Variants in HOOK3 observed in about 807,000 individuals in gnomAD.
HOOK3 encodes hook microtubule tethering protein 3.
HOOK3 carries 24 observed loss-of-function variants against 116.3 expected under a neutral mutation model. That is an observed-to-expected ratio of 0.21 (90% CI 0.15 to 0.29). The LOEUF is 0.29. HOOK3 is among the 10% of genes least tolerant of loss of function. The pLI, the probability that HOOK3 is intolerant of heterozygous loss-of-function variation, is 1.00. For missense variants in HOOK3, 632 were observed against 830.2 expected, an observed-to-expected ratio of 0.76 and a Z score of 2.93; for synonymous variants, 275 against 283.0, an observed-to-expected ratio of 0.97 and a Z score of 0.28.
At chr8:42,932,700 G>C (rs1807896357) in intron 4 of HOOK3, among the ~76,000 whole-genome samples, 1 of 152,170 alleles carries the variant, frequency 6.6e-6, no homozygotes, top group South Asian at 2.1e-4. Context: ...ATGGTGTGGT[G>C]TCTTTGGAAC....
intron 4 of HOOK3, among the ~76,000 whole-genome samples, chr8:42,936,543 T>C (rs1422561138): frequency 6.6e-6 from 1 of 152,214 alleles, no homozygotes; most frequent in Non-Finnish European, 1.5e-5. Context: ...AAGTAGCTGT[T>C]ACTATTTTGA....
intron 1 of HOOK3, among the ~76,000 whole-genome samples, chr8:42,902,274 CTCTT>C (rs1466202831): frequency 5.3e-5 from 8 of 150,274 alleles, no homozygotes; most frequent in East Asian, 2.0e-4. Flanking sequence ...CTCTCTCTCT[CTCTT>C]TTTTTTTTTT....
At chr8:42,913,325 GCTTT>G (rs1807469956) in intron 2 of HOOK3, among the ~76,000 whole-genome samples, 1 of 151,990 alleles carries the variant, frequency 6.6e-6, no homozygotes, top group South Asian at 2.1e-4. Context: ...ACACTGCTCT[GCTTT>G]CTGTCATTAT....
intron 15 of HOOK3, among the ~76,000 whole-genome samples, chr8:42,995,408 G>A (rs141368090): frequency 1.9e-3 from 283 of 152,190 alleles, no homozygotes; most frequent in Non-Finnish European, 2.8e-3. Context: ...ATTCAGTGTT[G>A]TTATTCAGTT....
At chr8:43,010,986 G>A (rs759327602) in intron 19 of HOOK3, among the ~76,000 whole-genome samples, 4 of 151,878 alleles carry the variant, frequency 2.6e-5, no homozygotes, top group Non-Finnish European at 4.4e-5. Context: ...TGGGGGTTAA[G>A]GGGGTCCATT....
intron 8 of HOOK3, among the ~76,000 whole-genome samples, chr8:42,963,478 G>T (rs779461294): frequency 2.6e-5 from 4 of 152,206 alleles, no homozygotes; most frequent in Non-Finnish European, 5.9e-5. Context: ...TATAAACATT[G>T]TTCCTAAGTC....
chr8:42,940,305 C>T lies in HOOK3; in HGVS notation c.268-3008C>T, dbSNP rs556150895. ...GACCAGCCCGGCCAACACAGCGAAA[C>T]CCCGTCTCCACCAAAAAAACACGAA... On this transcript the variant is annotated intron_variant, in intron 4 of 21. Transcript: ENST00000307602. 1.4e-4 allele frequency among the ~76,000 whole-genome samples: 21 copies of T among 152,370 alleles called. No homozygotes were observed. The East Asian group carries it at 3.9e-3, about 28-fold the overall frequency.
chr8:42,918,945 G>A (rs865919000), intron 2 of HOOK3, among the ~76,000 whole-genome samples: 1 of 152,034 alleles, frequency 6.6e-6, no homozygotes, highest in Non-Finnish European at 1.5e-5. Flanking sequence ...CACCTCCCAG[G>A]CGGGGTGGCG....
intron 14 of HOOK3, among the ~76,000 whole-genome samples, chr8:42,984,731 G>C (rs1809017509): frequency 6.6e-6 from 1 of 152,060 alleles, no homozygotes; most frequent in South Asian, 2.1e-4. Context: ...GCAAAACCCT[G>C]TCACTGCTAA....
chr8:42,977,380 T>C (rs1217927654), intron 13 of HOOK3, among the ~76,000 whole-genome samples: 1 of 152,072 alleles, frequency 6.6e-6, no homozygotes, highest in Non-Finnish European at 1.5e-5. Context: ...GTGAGAGTAG[T>C]TTCTTGGCTT....
At chr8:42,923,460 A>G (rs951457426) in intron 2 of HOOK3, among the ~76,000 whole-genome samples, 1 of 152,240 alleles carries the variant, frequency 6.6e-6, no homozygotes, top group Admixed American at 6.5e-5. Context: ...TGATATATCT[A>G]TAAATGGAAT....
At chr8:42,954,966 G>A (rs1248382082) in intron 6 of HOOK3, among the ~76,000 whole-genome samples, 3 of 152,212 alleles carry the variant, frequency 2.0e-5, no homozygotes, top group African/African-American at 7.2e-5. Flanking sequence ...GGTTCGAGAA[G>A]CAGGAACAGT....
intron 1 of HOOK3, among the ~76,000 whole-genome samples, chr8:42,902,335 A>G (rs1040478210): frequency 6.6e-6 from 1 of 151,098 alleles, no homozygotes; most frequent in Non-Finnish European, 1.5e-5. Flanking sequence ...GCCGTGGAGC[A>G]GTCACAGCTC....
chr8:42,912,150 A>T (rs1807442622), intron 2 of HOOK3, among the ~76,000 whole-genome samples: 2 of 152,310 alleles, frequency 1.3e-5, no homozygotes. Flanking sequence ...TGCCAAAAAG[A>T]GGATTTTACT....
At chr8:42,920,232 C>G (rs1471573841) in intron 2 of HOOK3, among the ~76,000 whole-genome samples, 1 of 152,158 alleles carries the variant, frequency 6.6e-6, no homozygotes, top group Non-Finnish European at 1.5e-5. Flanking sequence ...GCAGAACTGT[C>G]ATCTCTTCCT....
At position 43,019,449 on chromosome 8, in the gene HOOK3, A is replaced by G. The variant is rs1201097330; in HGVS notation, c.*951A>G. The G allele has an allele frequency of 4.8e-5, 10 of 210,496 alleles. No homozygotes were observed. The highest frequency in any genetic ancestry group is 1.9e-5 in the Non-Finnish European group (2 of 104,004). The allele number at this position is 210,496 out of a possible 1,614,324, so 13.0% of individuals were successfully genotyped here. A position where few individuals can be genotyped will look rare whatever the true frequency, so the allele number is the denominator to read the frequency against. ...CCATTTGTTTTACTTGTTCTTTAAT[A>G]TAAACCCTTCCATTTTTTAACAATT... is the stretch of plus-strand genomic sequence containing the variant. On this transcript the variant is annotated 3_prime_UTR_variant, in exon 22 of 22. Transcript: ENST00000307602.
At chr8:42,929,638 T>C (rs537300785) in intron 3 of HOOK3, among the ~76,000 whole-genome samples, 1 of 152,258 alleles carries the variant, frequency 6.6e-6, no homozygotes, top group South Asian at 2.1e-4. Context: ...TTTTTTCTGG[T>C]AGGGGAAGAA....
chr8:42,953,948 C>T (rs1808389560), intron 6 of HOOK3, among the ~76,000 whole-genome samples: 2 of 152,088 alleles, frequency 1.3e-5, no homozygotes, highest in African/African-American at 2.4e-5. Flanking sequence ...TGCCGTATCC[C>T]TTCAATATAG....
At chr8:42,965,470 G>GC (rs1344343252) in intron 9 of HOOK3, among the ~76,000 whole-genome samples, 1 of 152,126 alleles carries the variant, frequency 6.6e-6, no homozygotes, top group Non-Finnish European at 1.5e-5. Context: ...AGGAAGAAGG[G>GC]CCCTTTGACC....
Sources: allele counts gnomAD v4.1 joint callset (sites outside exome capture counted in the v4.1 genomes callset), GRCh38; gene constraint gnomAD v4.1.1; transcripts MANE v1.5; gene names NCBI Gene and HGNC (gene_info 2026-07-23, HGNC 2026-07-21).